The following LTBP1 variants were observed in gnomAD, a reference collection of about 807,000 sequenced individuals.
The protein encoded by LTBP1 is latent-transforming growth factor beta-binding protein 1.
LTBP1 carries 129 observed loss-of-function variants against 207.6 expected under a neutral mutation model. The observed-to-expected ratio is 0.62, with a 90% CI of 0.54 to 0.72. The LOEUF (loss-of-function observed/expected upper bound fraction) is 0.72. LTBP1 is among the 30% of genes least tolerant of loss of function. The probability of loss-of-function intolerance (pLI) is 0.00; values close to 1 mark genes in which losing one functional copy is unlikely to be tolerated. For synonymous variants in LTBP1, 963 were observed against 833.7 expected (o/e 1.16, Z -2.67); for missense variants, 2,281 against 2,217.2 (o/e 1.03, Z -0.58).
intron 5 of LTBP1, among the ~76,000 whole-genome samples, chr2:33,172,692 A>G (rs1045042328): frequency 6.6e-6 from 1 of 152,250 alleles, no homozygotes; most frequent in African/African-American, 2.4e-5. Flanking sequence ...CCAAATCAAC[A>G]GAGTATACAT....
In LTBP1 at chr2:33,340,048, A is replaced by T. The variant is rs191144515; in HGVS notation, c.3731-2790A>T. ...GATAAGTTTAAGTTCATGGCAGAAG[A>T]TCCAATGGAAATGATTAAGAAATGT... On this transcript the variant is annotated intron_variant, in intron 24 of 33. Transcript: ENST00000404816. Among the ~76,000 whole-genome samples, 23 of 152,080 alleles carry T rather than the reference A, an allele frequency of 1.5e-4. 1 individual carries two copies. The East Asian group carries it at 2.5e-3, about 17-fold the overall frequency.
chr2:33,243,643 G>C lies in LTBP1; in HGVS notation c.1877-19G>C, dbSNP rs2092412351. On this transcript the variant is annotated intron_variant, in intron 9 of 33. Transcript: ENST00000404816. Reference sequence around the variant, plus strand: ...ATGGGGCTTGACTGCTCCTTCTAAAGAATTGTGTTTTCCTGCAGATATTAA... The same window carrying C: ...ATGGGGCTTGACTGCTCCTTCTAAACAATTGTGTTTTCCTGCAGATATTAA... 1.9e-6 allele frequency: 3 copies of C among 1,612,644 alleles called. No homozygotes were observed. Among genetic ancestry groups the C allele is most frequent in the South Asian group, 2.2e-5 (2 of 90,844 alleles).
At chr2:32,998,024 A>T (rs1685543497) in intron 2 of LTBP1, among the ~76,000 whole-genome samples, 1 of 152,182 alleles carries the variant, frequency 6.6e-6, no homozygotes, top group African/African-American at 2.4e-5. Flanking sequence ...AGTACCAGAA[A>T]GGCTTATTGC....
At chr2:32,947,920 C>G in intron 1 of LTBP1, 102 bp downstream of exon 1, 1 of 1,017,588 alleles carries the variant, frequency 9.8e-7, no homozygotes, top group Non-Finnish European at 1.3e-6. Context: ...GTGGCCAGGG[C>G]GGTCGCGCGC....
chr2:33,043,622 C>T (rs2076300642), intron 3 of LTBP1, among the ~76,000 whole-genome samples: 1 of 151,838 alleles, frequency 6.6e-6, no homozygotes, highest in African/African-American at 2.4e-5. Flanking sequence ...TTTGATGGAC[C>T]AAGAGGAGAG....
At chr2:33,064,100 G>A (rs993665679) in intron 3 of LTBP1, among the ~76,000 whole-genome samples, 1 of 152,040 alleles carries the variant, frequency 6.6e-6, no homozygotes, top group Non-Finnish European at 1.5e-5. Context: ...TGATTTACCC[G>A]CCTTGGCCTC....
At chr2:33,020,521 T>C (rs1439041304) in intron 2 of LTBP1, among the ~76,000 whole-genome samples, 3 of 152,192 alleles carry the variant, frequency 2.0e-5, no homozygotes, top group Admixed American at 2.0e-4. Flanking sequence ...AGTAAAATGG[T>C]TAAGAATGAT....
rs1047779265 is a variant in LTBP1, at chr2:32,966,748, T to C, written c.565+17803T>C. 3.3e-5 allele frequency among the ~76,000 whole-genome samples: 5 copies of C among 152,174 alleles called. 1 individual carries two copies. On this transcript the variant is annotated intron_variant, in intron 2 of 33. Transcript: ENST00000404816. ...AATCCCATTTGGTTGTGTATAATTG[T>C]TTTTATTCATTGTTGCATTCAAATT...
intron 3 of LTBP1, among the ~76,000 whole-genome samples, chr2:33,102,985 C>T (rs1165197812): frequency 6.6e-6 from 1 of 151,106 alleles, no homozygotes; most frequent in African/African-American, 2.4e-5. Context: ...TCTGTATGCA[C>T]AGTCTCTATG....
chr2:33,321,719 C>T lies in LTBP1; in HGVS notation c.3730+6450C>T, dbSNP rs112581020. Reference sequence around the variant, plus strand: ...GCAGTAATGTGTTACATGTGGTGTGCTTAGCCCAAGATTTTCAGGTTTTTA... The same window carrying T: ...GCAGTAATGTGTTACATGTGGTGTGTTTAGCCCAAGATTTTCAGGTTTTTA... On this transcript the variant is annotated intron_variant, in intron 24 of 33. Coordinates refer to ENST00000404816, the MANE Select transcript of LTBP1 (RefSeq NM_206943.4). Among the ~76,000 whole-genome samples the T allele has an allele frequency of 1.9e-3, 289 of 152,258 alleles. 2 individuals are homozygous for T. Among genetic ancestry groups the T allele is most frequent in the African/African-American group, 6.5e-3 (269 of 41,550 alleles).
intron 9 of LTBP1, among the ~76,000 whole-genome samples, chr2:33,243,239 C>T (rs1305313617): frequency 1.3e-5 from 2 of 152,180 alleles, no homozygotes; most frequent in Admixed American, 6.5e-5. Flanking sequence ...CAGTTTATGA[C>T]AGTTCTTTCT....
chr2:32,965,606 A>G (rs1679869922), intron 2 of LTBP1, among the ~76,000 whole-genome samples: 1 of 152,112 alleles, frequency 6.6e-6, no homozygotes, highest in Non-Finnish European at 1.5e-5. Context: ...GGCTTCTTTC[A>G]CTTAGTAATA....
intron 7 of LTBP1, among the ~76,000 whole-genome samples, chr2:33,190,885 A>G (rs1379464139): frequency 1.3e-5 from 2 of 152,192 alleles, no homozygotes; most frequent in East Asian, 1.9e-4. Context: ...AGTTTTGCAA[A>G]TGCTTTTGGG....
At chr2:32,998,057 A>T (rs1417474401) in intron 2 of LTBP1, among the ~76,000 whole-genome samples, 1 of 152,196 alleles carries the variant, frequency 6.6e-6, no homozygotes, top group Non-Finnish European at 1.5e-5. Context: ...TAAATTCTAG[A>T]TTTGAGCATG....
At chr2:33,057,911 G>A (rs530105962) in intron 3 of LTBP1, among the ~76,000 whole-genome samples, 85 of 152,372 alleles carry the variant, frequency 5.6e-4, no homozygotes, top group Admixed American at 5.5e-3. Context: ...CCTCAAGCAC[G>A]GCCAGAATGG....
At chr2:33,276,596 A>G (rs1243693978) in intron 18 of LTBP1, among the ~76,000 whole-genome samples, 2 of 152,216 alleles carry the variant, frequency 1.3e-5, no homozygotes, top group Admixed American at 1.3e-4. Flanking sequence ...CACGCCTGCA[A>G]TCCCAGTGCT....
intron 3 of LTBP1, among the ~76,000 whole-genome samples, chr2:33,075,890 C>T (rs2078053702): frequency 6.6e-6 from 1 of 152,036 alleles, no homozygotes; most frequent in African/African-American, 2.4e-5. Flanking sequence ...AAATGTGCTT[C>T]TTTATTTTTC....
rs149095542 is a variant in LTBP1, at chr2:33,383,517, T to C, written c.4712-5667T>C. 3.6e-4 allele frequency among the ~76,000 whole-genome samples: 55 copies of C among 152,282 alleles called. 1 individual carries two copies. In the East Asian group the frequency reaches 8.7e-3, roughly 24 times the overall value. ...GTAAGAAAAATACCTGGTCTAGAAA[T>C]TGTAGTAGCATGTGACCCACTTTTC... is the stretch of plus-strand genomic sequence containing the variant. On this transcript the variant is annotated intron_variant, in intron 31 of 33. Transcript: ENST00000404816.
At chr2:33,031,510 A>G (rs1291951736) in intron 3 of LTBP1, among the ~76,000 whole-genome samples, 1 of 152,266 alleles carries the variant, frequency 6.6e-6, no homozygotes, top group Non-Finnish European at 1.5e-5. Flanking sequence ...ACTGAATAAC[A>G]TAGCATAATA....
Sources: allele counts gnomAD v4.1 joint callset (sites outside exome capture counted in the v4.1 genomes callset), GRCh38; gene constraint gnomAD v4.1.1; transcripts MANE v1.5; gene names NCBI Gene and HGNC (gene_info 2026-07-23, HGNC 2026-07-21).